FOLH1: variants seen among roughly 807,000 people sequenced by gnomAD.
FOLH1 encodes the protein folate hydrolase 1.
A neutral mutation model predicts 93.9 loss-of-function variants in FOLH1; 54 were observed. That is an observed-to-expected ratio of 0.57 (90% CI 0.46 to 0.72). The LOEUF is 0.72. Among genes scored for constraint, FOLH1 ranks in the 30% least tolerant of loss-of-function variants. The pLI is 0.00. For missense variants in FOLH1, 571 were observed against 892.5 expected (o/e 0.64, Z 4.59); for synonymous variants, 249 against 303.6 (o/e 0.82, Z 1.87).
Position 49,175,957 on chromosome 11 carries a change from T to C in FOLH1, c.921A>G (p.Glu307=). Residue 307 remains glutamate, a splice_region_variant and synonymous_variant, in exon 8 of 19, where the codon GAA becomes GAG. Transcript: ENST00000256999. ...IGYYDAQKLL[E]KMGGSAPPDS... is the part of the protein sequence containing the mutation. Reference sequence around the variant, plus strand: ...CTGGTGGTGCTGAGCCACCCATTTTTCTATTGGACACAAAAAAACATTATT... The same window carrying C: ...CTGGTGGTGCTGAGCCACCCATTTTCCTATTGGACACAAAAAAACATTATT... 1.2e-6 allele frequency: 2 copies of C among 1,611,890 alleles called. No homozygotes were observed. Among genetic ancestry groups the C allele is most frequent in the Non-Finnish European group, 1.7e-6 (2 of 1,179,378 alleles).
chr11:49,204,730 T>C (rs1863677535), intron 2 of FOLH1, among the ~76,000 whole-genome samples: 1 of 152,188 alleles, frequency 6.6e-6, no homozygotes, highest in African/African-American at 2.4e-5. Flanking sequence ...GTTTGTATGA[T>C]TATATGTGTG....
At chr11:49,152,591 A>T (rs551401216) in intron 17 of FOLH1, among the ~76,000 whole-genome samples, 55 of 152,278 alleles carry the variant, frequency 3.6e-4, no homozygotes, top group African/African-American at 9.6e-4. Flanking sequence ...CAACATTTGT[A>T]AAATTATTTG....
At chr11:49,181,293 G>A (rs778849884) in intron 7 of FOLH1, among the ~76,000 whole-genome samples, 1 of 151,642 alleles carries the variant, frequency 6.6e-6, no homozygotes, top group East Asian at 1.9e-4. Context: ...TTTTTAGTAC[G>A]GACGGGGTTT....
In FOLH1 at chr11:49,206,104, C is replaced by T; in HGVS notation, c.187G>A (p.Asp63Asn). Residue 63 changes from aspartate (D) to asparagine (N), a missense_variant, in exon 2 of 19, where the codon GAT becomes AAT. By Grantham distance (23) the Asp-to-Asn change is conservative (BLOSUM62 1). This residue lies in a region of FOLH1 where 500 missense variants were observed against 822.9 expected (regional missense o/e 0.61). Transcript: ENST00000256999. ...TPKHNMKAFLDELKAENIKKF... is the reference protein window; with the variant it reads ...TPKHNMKAFLNELKAENIKKF... Reference sequence around the variant, plus strand: ...TTGATGTTCTCAGCTTTCAATTCATCCAAAAATGCTTTCATATTATGCTTT... The same window carrying T: ...TTGATGTTCTCAGCTTTCAATTCATTCAAAAATGCTTTCATATTATGCTTT... 1 of 1,612,510 alleles carries T rather than the reference C, an allele frequency of 6.2e-7. No individual in the cohort carries two copies. Among genetic ancestry groups the T allele is most frequent in the Non-Finnish European group, 8.5e-7 (1 of 1,179,290 alleles).
chr11:49,162,508 T>C (rs1196573775), intron 13 of FOLH1, among the ~76,000 whole-genome samples: 1 of 152,214 alleles, frequency 6.6e-6, no homozygotes, highest in Middle Eastern at 3.2e-3. Context: ...AACATGATTT[T>C]TAGCTTCCTA....
intron 4 of FOLH1, among the ~76,000 whole-genome samples, chr11:49,187,041 C>A (rs184643713): frequency 6.6e-6 from 1 of 151,016 alleles, no homozygotes; most frequent in Non-Finnish European, 1.5e-5. Flanking sequence ...AAGCACCCCC[C>A]CCACACACAC....
intron 7 of FOLH1, among the ~76,000 whole-genome samples, chr11:49,178,552 A>C (rs1270007752): frequency 2.0e-5 from 3 of 152,212 alleles, no homozygotes; most frequent in Non-Finnish European, 4.4e-5. Flanking sequence ...CTAATATACC[A>C]ATGAAAAAAA....
At chr11:49,154,656 A>C (rs190376435) in intron 15 of FOLH1, among the ~76,000 whole-genome samples, 164 bp from the exon 16 acceptor site, 73 of 152,274 alleles carry the variant, frequency 4.8e-4, no homozygotes, top group African/African-American at 1.7e-3. Context: ...TATGATACAT[A>C]AACACATTCC....
chr11:49,202,322 A>G (rs2135325888), intron 2 of FOLH1, among the ~76,000 whole-genome samples: 1 of 152,376 alleles, frequency 6.6e-6, no homozygotes, highest in Non-Finnish European at 1.5e-5. Context: ...ATATGAATTT[A>G]CAAATTTTCC....
At chr11:49,161,494 A>C (rs1290677144) in intron 13 of FOLH1, among the ~76,000 whole-genome samples, 1 of 152,062 alleles carries the variant, frequency 6.6e-6, no homozygotes, top group African/African-American at 2.4e-5. Context: ...ACTTTCCTTC[A>C]TCTATTTATT....
Position 49,153,838 on chromosome 11 carries a change from G to A in FOLH1, c.1970+8C>T, listed in dbSNP as rs1856721184. On this transcript the variant is annotated splice_region_variant and intron_variant, in intron 17 of 18. Transcript: ENST00000256999. ...ATACACACATATGCACATATATGTA[G>A]AACATACTTGCTTTTGTCAAAGTCC... 6.3e-7 allele frequency: 1 copy of A among 1,590,526 alleles called. No individual in the cohort carries two copies. The highest frequency in any genetic ancestry group is 8.6e-7 in the Non-Finnish European group (1 of 1,166,414).
rs199701306 is a variant in FOLH1, at chr11:49,206,572, CAAAT to C, written c.119-404_119-401del. ...AAGTTTCTATCTTCCTCTGCTGACT[CAAAT>C]AAGCATTTAATACATTTTTATAACG... On this transcript the variant is annotated intron_variant, in intron 1 of 18. Coordinates refer to ENST00000256999, the MANE Select transcript of FOLH1 (RefSeq NM_004476.3). Among the ~76,000 whole-genome samples the C allele has an allele frequency of 9.9e-3, 1,512 of 152,304 alleles. 23 individuals are homozygous for C. The highest frequency in any genetic ancestry group is 0.034 in the African/African-American group (1,422 of 41,556).
intron 1 of FOLH1, chr11:49,206,772 A>T (rs1368909734): frequency 1.3e-6 from 2 of 1,535,778 alleles, no homozygotes; most frequent in Middle Eastern, 1.7e-4. Flanking sequence ...TGAAACTACA[A>T]TTTACCCAGC....
In FOLH1 at chr11:49,145,178, A is replaced by G. The variant is rs6485965; in HGVS notation, c.*1578T>C. On this transcript the variant is annotated 3_prime_UTR_variant, in exon 19 of 19. Coordinates refer to ENST00000256999, the MANE Select transcript of FOLH1 (RefSeq NM_004476.3). ...TCCAAACTCCCACTTGATTGTCTTC[A>G]TAAATAGATCTGGGCCCATTAAATA... is the stretch of plus-strand genomic sequence containing the variant. Among the ~76,000 whole-genome samples the G allele has an allele frequency of 0.52, 79,026 of 152,050 alleles. 21,895 individuals carry two copies. Among genetic ancestry groups the G allele is most frequent in the Admixed American group, 0.62 (9,476 of 15,262 alleles).
In FOLH1 at chr11:49,146,946, C is replaced by T. The variant is rs1484707405; in HGVS notation, c.2064-1G>A. ...GCTGCTTGGAGCATAGATGACATGC[C>T]TGTTGATAAAATCGTTTGCTGTTTA... On this transcript the variant is annotated splice_acceptor_variant, in intron 18 of 18. Transcript: ENST00000256999. LOFTEE classifies it high-confidence loss of function. 1.9e-6 allele frequency: 3 copies of T among 1,606,922 alleles called. No individual in the cohort carries two copies. The South Asian group carries it at 3.3e-5, about 18-fold the overall frequency.
intron 15 of FOLH1, among the ~76,000 whole-genome samples, chr11:49,156,494 G>T (rs1294564277): frequency 6.6e-6 from 1 of 152,012 alleles, no homozygotes; most frequent in Non-Finnish European, 1.5e-5. Context: ...GTTCACATTT[G>T]CAGACATGAG....
At chr11:49,179,925 A>C (rs772815452) in intron 7 of FOLH1, among the ~76,000 whole-genome samples, 6 of 152,198 alleles carry the variant, frequency 3.9e-5, no homozygotes, top group Non-Finnish European at 8.8e-5. Context: ...CTTCTACCAC[A>C]GTGCCTGAAA....
In FOLH1 at chr11:49,200,340, T is replaced by A; in HGVS notation, c.326A>T (p.Glu109Val). 6.2e-7 allele frequency: 1 copy of A among 1,613,536 alleles called. No homozygotes were observed. Among genetic ancestry groups the A allele is most frequent in the Non-Finnish European group, 8.5e-7 (1 of 1,179,636 alleles). Residue 109 changes from glutamate to valine, a missense_variant, in exon 3 of 19, where the codon GAG becomes GTG. This residue lies in a region of FOLH1 where 500 missense variants were observed against 822.9 expected (regional missense o/e 0.61). Transcript: ENST00000256999. Reference sequence around the variant, plus strand: ...CAACAGGACATCATAATGTGCTAGCTCAACAGAATCCAGGCCAAATTCTTT... The same window carrying A: ...CAACAGGACATCATAATGTGCTAGCACAACAGAATCCAGGCCAAATTCTTT... Reference protein sequence around the residue: ...QWKEFGLDSVELAHYDVLLSY... With the variant: ...QWKEFGLDSVVLAHYDVLLSY...
intron 10 of FOLH1, among the ~76,000 whole-genome samples, chr11:49,171,512 A>T (rs1447689583): frequency 2.0e-5 from 3 of 152,182 alleles, no homozygotes; most frequent in African/African-American, 4.8e-5. Flanking sequence ...ATCTTGCAAG[A>T]TCATAAAACA....
Sources: allele counts gnomAD v4.1 joint callset (sites outside exome capture counted in the v4.1 genomes callset), GRCh38; gene constraint gnomAD v4.1.1; regional missense constraint gnomAD v4.1.1; transcripts MANE v1.5; gene names NCBI Gene and HGNC (gene_info 2026-07-23, HGNC 2026-07-21).